SLCO1B3: variants seen among roughly 807,000 people sequenced by gnomAD.
SLCO1B3 encodes the protein solute carrier organic anion transporter family member 1B3, also known as liver-specific organic anion transporter 2.
A neutral mutation model predicts 71.8 loss-of-function variants in SLCO1B3; 72 were observed. That is an observed-to-expected ratio of 1.00 (90% confidence interval 0.83 to 1.22). The LOEUF (loss-of-function observed/expected upper bound fraction) is 1.22. Among genes scored for constraint, SLCO1B3 ranks in the 50% most tolerant of loss-of-function variants. SLCO1B3 has a pLI of 0.00. For synonymous variants in SLCO1B3, 298 were observed against 278.4 expected (o/e 1.07, Z -0.70); for missense variants, 911 against 819.7 (o/e 1.11, Z -1.36).
intron 3 of SLCO1B3, among the ~76,000 whole-genome samples, chr12:20,850,503 C>T (rs1258927288): frequency 5.3e-5 from 8 of 151,952 alleles, no homozygotes; most frequent in South Asian, 2.1e-4. Flanking sequence ...AGGATGGTCT[C>T]GATCTCCTGA....
rs1470960826 is a variant in SLCO1B3 at position 20,861,627 on chromosome 12, ACTTTCT to A, written c.481+494_481+499del. Among the ~76,000 whole-genome samples the A allele has an allele frequency of 2.6e-5, 4 of 151,668 alleles. No individual in the cohort carries two copies. The East Asian group carries it at 5.9e-4, about 23-fold the overall frequency. ...GTGGTAGAAATATGTGAATAATATA[ACTTTCT>A]CTTTATAAAGATGCAAAATGTTATA... On this transcript the variant is annotated intron_variant, in intron 6 of 15. Coordinates refer to ENST00000381545, the MANE Select transcript of SLCO1B3 (RefSeq NM_019844.4).
chr12:20,894,515 G>T (rs953235359), intron 13 of SLCO1B3, among the ~76,000 whole-genome samples: 2 of 152,056 alleles, frequency 1.3e-5, no homozygotes, highest in Admixed American at 1.3e-4. Context: ...CAAGTCTCCT[G>T]CATGCCACCC....
At chr12:20,913,646 G>A (rs1038815679) in intron 15 of SLCO1B3, among the ~76,000 whole-genome samples, 26 of 152,166 alleles carry the variant, frequency 1.7e-4, no homozygotes, top group African/African-American at 6.0e-4. Context: ...TGTTATCAGT[G>A]TATATCTTCC....
chr12:20,903,819 A>G (rs1866176495), intron 15 of SLCO1B3, among the ~76,000 whole-genome samples: 2 of 152,282 alleles, frequency 1.3e-5, no homozygotes, highest in Non-Finnish European at 1.5e-5. Flanking sequence ...TGCAAAATAC[A>G]GTTACCCTTC....
chr12:20,821,370 A>G (rs1253779297), intron 3 of SLCO1B3, among the ~76,000 whole-genome samples: 3 of 152,158 alleles, frequency 2.0e-5, no homozygotes, highest in Non-Finnish European at 4.4e-5. Flanking sequence ...AAAGACGCTT[A>G]GATTTTAGGT....
At chr12:20,894,488 C>T (rs1340434979) in intron 13 of SLCO1B3, among the ~76,000 whole-genome samples, 1 of 152,120 alleles carries the variant, frequency 6.6e-6, no homozygotes, top group Non-Finnish European at 1.5e-5. Context: ...AATATCCTCC[C>T]TATCTGCAAG....
At chr12:20,908,411 A>G (rs1047949148) in intron 15 of SLCO1B3, among the ~76,000 whole-genome samples, 1 of 152,184 alleles carries the variant, frequency 6.6e-6, no homozygotes, top group African/African-American at 2.4e-5. Context: ...AGTTTACATC[A>G]GGTTTCACAT....
At chr12:20,832,232 G>A (rs979786132) in intron 3 of SLCO1B3, among the ~76,000 whole-genome samples, 12 of 152,156 alleles carry the variant, frequency 7.9e-5, no homozygotes, top group Non-Finnish European at 1.8e-4. Context: ...AATACACGTT[G>A]TTACTGAGTT....
At chr12:20,827,973 A>C (rs1046799791) in intron 3 of SLCO1B3, among the ~76,000 whole-genome samples, 1 of 152,204 alleles carries the variant, frequency 6.6e-6, no homozygotes, top group African/African-American at 2.4e-5. Context: ...CAAGGTACAG[A>C]GAGAGAGTGG....
chr12:20,855,467 GTCCTACACAAAC>G (rs1179884855), intron 4 of SLCO1B3, among the ~76,000 whole-genome samples: 1 of 151,974 alleles, frequency 6.6e-6, no homozygotes, highest in East Asian at 1.9e-4. Flanking sequence ...AAAAACTCTG[GTCCTACACAAAC>G]TCATGGTTTG....
intron 15 of SLCO1B3, among the ~76,000 whole-genome samples, chr12:20,909,327 G>T (rs1306675686): frequency 9.8e-6 from 1 of 101,560 alleles, no homozygotes; most frequent in Non-Finnish European, 2.1e-5. Flanking sequence ...CACCACGCCT[G>T]GCTAATTTTT....
At chr12:20,836,877 G>A (rs761836453) in intron 3 of SLCO1B3, among the ~76,000 whole-genome samples, 72 of 152,114 alleles carry the variant, frequency 4.7e-4, no homozygotes, top group Non-Finnish European at 2.8e-4. Context: ...TCCTGACCTC[G>A]GGATCCGCCT....
intron 12 of SLCO1B3, among the ~76,000 whole-genome samples, chr12:20,882,366 A>G (rs1024276648): frequency 6.6e-6 from 1 of 152,210 alleles, no homozygotes; most frequent in Non-Finnish European, 1.5e-5. Flanking sequence ...ATAAAAGGAA[A>G]AAAGGAATCT....
chr12:20,909,373 C>G (rs1456358100), intron 15 of SLCO1B3, among the ~76,000 whole-genome samples: 5 of 149,674 alleles, frequency 3.3e-5, no homozygotes, highest in Non-Finnish European at 7.4e-5. Flanking sequence ...CAGGGTTTCG[C>G]CATGTTAGCC....
At chr12:20,877,992 T>C (rs1865617304) in intron 10 of SLCO1B3, 56 bp downstream of exon 10, 2 of 1,143,446 alleles carry the variant, frequency 1.7e-6, no homozygotes, top group Non-Finnish European at 2.5e-6. Context: ...TGAGTACTTG[T>C]GTTCCAAGTC....
At position 20,883,609 on chromosome 12, in the gene SLCO1B3, A is replaced by G. The variant is rs1252033099; in HGVS notation, c.1682+7A>G. On this transcript the variant is annotated splice_region_variant and intron_variant, in intron 13 of 15. Coordinates refer to ENST00000381545, the MANE Select transcript of SLCO1B3 (RefSeq NM_019844.4). ...TTATCTTGTTGACTGTGAAGTAAGT[A>G]TGATCCTGTAAAACATTGTCATGTA... 2.6e-6 allele frequency: 4 copies of G among 1,563,936 alleles called. No homozygotes were observed. In the East Asian group the frequency reaches 7.2e-5, roughly 28 times the overall value.
At chr12:20,834,044 TTA>T (rs1365859525) in intron 3 of SLCO1B3, among the ~76,000 whole-genome samples, 1 of 139,050 alleles carries the variant, frequency 7.2e-6, no homozygotes, top group Non-Finnish European at 1.5e-5. Context: ...TATTTATATA[TTA>T]TATGTGTGCA....
intron 13 of SLCO1B3, among the ~76,000 whole-genome samples, chr12:20,884,634 G>A (rs565925569): frequency 6.6e-6 from 1 of 152,014 alleles, no homozygotes; most frequent in Admixed American, 6.6e-5. Flanking sequence ...CACCTAAAAC[G>A]GGAAACATGT....
At position 20,815,875 on chromosome 12, in the gene SLCO1B3, T is replaced by C. The variant is rs556524453; in HGVS notation, c.84+53T>C. The stretch of plus-strand genomic sequence containing the variant: ...AAAATAAGTTAATGGAAAATTTTTA[T>C]GTATAGAAAGGCCACTAACTGTCAA... On this transcript the variant is annotated intron_variant, in intron 3 of 15. Coordinates refer to ENST00000381545, the MANE Select transcript of SLCO1B3 (RefSeq NM_019844.4). 1.3e-5 allele frequency: 16 copies of C among 1,202,182 alleles called. No homozygotes were observed. The African/African-American group carries it at 2.4e-4, about 18-fold the overall frequency. 74.5% of individuals were successfully genotyped at this position (1,202,182 alleles called of 1,614,324 possible).
Sources: allele counts gnomAD v4.1 joint callset (sites outside exome capture counted in the v4.1 genomes callset), GRCh38; gene constraint gnomAD v4.1.1; transcripts MANE v1.5; gene names NCBI Gene and HGNC (gene_info 2026-07-23, HGNC 2026-07-21).